NCAM2: variants seen among roughly 807,000 people sequenced by gnomAD.
NCAM2 encodes N-CAM-2.
Under a neutral mutation model 98.1 loss-of-function variants are expected in NCAM2, and 30 were observed. That is an observed-to-expected ratio of 0.31 (90% CI 0.23 to 0.41). The LOEUF (loss-of-function observed/expected upper bound fraction) is 0.41, where lower values mean the gene tolerates loss of function less well. NCAM2 is among the 10% of genes least tolerant of loss of function. The pLI is 1.00. For missense variants in NCAM2, 867 were observed against 1,005.8 expected, an observed-to-expected ratio of 0.86 and a Z score of 1.87; for synonymous variants, 368 against 342.4, an observed-to-expected ratio of 1.07 and a Z score of -0.83.
chr21:21,288,300 T>G (rs2073174194), intron 4 of NCAM2, among the ~76,000 whole-genome samples: 1 of 151,948 alleles, frequency 6.6e-6, no homozygotes, highest in Non-Finnish European at 1.5e-5. Flanking sequence ...CTTCATTTGT[T>G]AAGTGAATGA....
chr21:21,266,329 C>G (rs1188669562), intron 1 of NCAM2, among the ~76,000 whole-genome samples: 1 of 151,996 alleles, frequency 6.6e-6, no homozygotes, highest in Non-Finnish European at 1.5e-5. Flanking sequence ...AATGTTCCAG[C>G]CTCTGAGAAT....
chr21:21,471,180 C>T (rs940680683), intron 14 of NCAM2, among the ~76,000 whole-genome samples: 2 of 151,844 alleles, frequency 1.3e-5, no homozygotes, highest in Non-Finnish European at 2.9e-5. Context: ...TCGGATACAG[C>T]CATCCTGGCA....
chr21:21,038,484 G>C (rs2064841409), intron 1 of NCAM2, among the ~76,000 whole-genome samples: 1 of 151,980 alleles, frequency 6.6e-6, no homozygotes, highest in African/African-American at 2.4e-5. Flanking sequence ...TGAATCATGG[G>C]GGCAGTTACC....
intron 12 of NCAM2, among the ~76,000 whole-genome samples, chr21:21,465,941 A>T (rs903585292): frequency 6.6e-6 from 1 of 152,082 alleles, no homozygotes; most frequent in African/African-American, 2.4e-5. Flanking sequence ...CATGACCCAG[A>T]TATTTCTAGT....
intron 1 of NCAM2, among the ~76,000 whole-genome samples, chr21:21,114,220 G>A (rs751062931): frequency 1.3e-5 from 2 of 152,182 alleles, no homozygotes; most frequent in Non-Finnish European, 2.9e-5. Flanking sequence ...GCAGAAAGAT[G>A]TGGCAGGCTT....
chr21:21,043,847 C>T lies in NCAM2; in HGVS notation c.55+45229C>T, dbSNP rs536392584. Among the ~76,000 whole-genome samples, 191 of 61,404 alleles carry T rather than the reference C, an allele frequency of 3.1e-3. 2 individuals are homozygous for T. Among genetic ancestry groups the T allele is most frequent in the African/African-American group, 8.0e-3 (151 of 18,984 alleles). The allele number at this position is 61,404 out of a possible 152,430, so 40.3% of individuals were successfully genotyped here. On this transcript the variant is annotated intron_variant, in intron 1 of 17. Transcript: ENST00000400546. ...CCAGCCTGGGTGACTTGTGAGACTC[C>T]GTCAAAAAAAAAAAAAAAAAGAAAA...
At chr21:21,163,344 A>G (rs1462643689) in intron 1 of NCAM2, among the ~76,000 whole-genome samples, 1 of 152,184 alleles carries the variant, frequency 6.6e-6, no homozygotes, top group African/African-American at 2.4e-5. Context: ...GGATGTAGGA[A>G]GGTAGAAGAG....
intron 1 of NCAM2, among the ~76,000 whole-genome samples, chr21:21,201,755 A>G (rs547016717): frequency 3.9e-5 from 6 of 152,278 alleles, no homozygotes; most frequent in African/African-American, 1.4e-4. Flanking sequence ...CTTTAAGGAG[A>G]TGCAGTCACT....
chr21:21,527,088 C>T (rs1170903261), intron 16 of NCAM2, among the ~76,000 whole-genome samples: 1 of 150,522 alleles, frequency 6.6e-6, no homozygotes, highest in Non-Finnish European at 1.5e-5. Flanking sequence ...GATTCAACAC[C>T]AAAAGCACAA....
At chr21:21,180,923 A>G (rs1429348044) in intron 1 of NCAM2, among the ~76,000 whole-genome samples, 1 of 152,174 alleles carries the variant, frequency 6.6e-6, no homozygotes, top group African/African-American at 2.4e-5. Flanking sequence ...ATTTCTCAGA[A>G]TTGTGTGGTA....
At chr21:21,057,673 A>G (rs2065239588) in intron 1 of NCAM2, among the ~76,000 whole-genome samples, 1 of 152,168 alleles carries the variant, frequency 6.6e-6, no homozygotes, top group East Asian at 1.9e-4. Flanking sequence ...TGCCATTCTT[A>G]CATATTTAAC....
At chr21:21,162,083 G>C (rs755835288) in intron 1 of NCAM2, among the ~76,000 whole-genome samples, 2 of 152,010 alleles carry the variant, frequency 1.3e-5, no homozygotes, top group Admixed American at 1.3e-4. Flanking sequence ...TGAACCATTT[G>C]ATAATGTATT....
At chr21:21,425,061 A>AAAAAAAAAAAAAAAAAAAG (rs2077186138) in intron 11 of NCAM2, among the ~76,000 whole-genome samples, 1 of 147,660 alleles carries the variant, frequency 6.8e-6, no homozygotes, top group Non-Finnish European at 1.5e-5. Flanking sequence ...AAAAAAAAAA[A>AAAAAAAAAAAAAAAAAAAG]AAAAAAATTC....
At chr21:21,107,147 G>A (rs966959167) in intron 1 of NCAM2, among the ~76,000 whole-genome samples, 5 of 152,066 alleles carry the variant, frequency 3.3e-5, no homozygotes, top group African/African-American at 1.2e-4. Context: ...CATAATAATA[G>A]TGTGTTACTT....
At chr21:21,354,811 T>C (rs546501400) in intron 8 of NCAM2, among the ~76,000 whole-genome samples, 13 of 133,172 alleles carry the variant, frequency 9.8e-5, no homozygotes, top group African/African-American at 3.2e-4. Context: ...TAAAAGAAAC[T>C]CATTTACTTC....
chr21:21,066,415 TATACAC>T (rs2065438268), intron 1 of NCAM2, among the ~76,000 whole-genome samples: 1 of 149,144 alleles, frequency 6.7e-6, no homozygotes, highest in East Asian at 2.1e-4. Flanking sequence ...TTTTATAACA[TATACAC>T]ACACACACAC....
intron 1 of NCAM2, chr21:21,147,379 G>A (rs2067309596): frequency 7.0e-6 from 5 of 709,464 alleles, no homozygotes; most frequent in Non-Finnish European, 8.6e-6. Context: ...GGAAAATTTT[G>A]GAGTGACTCA....
chr21:21,358,463 C>T (rs1381054583), intron 8 of NCAM2, among the ~76,000 whole-genome samples: 1 of 151,976 alleles, frequency 6.6e-6, no homozygotes, highest in Non-Finnish European at 1.5e-5. Context: ...TTTATTCTAT[C>T]ACAGACACAC....
chr21:21,049,833 T>G (rs1399607102), intron 1 of NCAM2, among the ~76,000 whole-genome samples: 1 of 151,628 alleles, frequency 6.6e-6, no homozygotes, highest in Non-Finnish European at 1.5e-5. Context: ...ATTGCGCCAT[T>G]GCACTCCAGC....
Sources: allele counts gnomAD v4.1 joint callset (sites outside exome capture counted in the v4.1 genomes callset), GRCh38; gene constraint gnomAD v4.1.1; transcripts MANE v1.5; gene names NCBI Gene and HGNC (gene_info 2026-07-23, HGNC 2026-07-21).